The following PAN3 variants were observed in gnomAD, a reference collection of about 807,000 sequenced individuals.
PAN3 encodes PAN2-PAN3 deadenylation complex subunit PAN3.
A neutral mutation model predicts 96.2 loss-of-function variants in PAN3; 19 were observed. The ratio of observed to expected loss-of-function variants is 0.20; its 90% CI spans 0.14 to 0.29. PAN3 has a LOEUF of 0.29. Ranked by LOEUF, PAN3 falls within the 10% of genes least tolerant of loss-of-function variation. The pLI is 1.00. For missense variants in PAN3, 882 were observed against 1,108.1 expected, an observed-to-expected ratio of 0.80 and a Z score of 2.90; for synonymous variants, 433 against 406.6, an observed-to-expected ratio of 1.06 and a Z score of -0.78.
intron 17 of PAN3, among the ~76,000 whole-genome samples, chr13:28,287,741 AAGGAGGT>A (rs1399040472): frequency 6.6e-6 from 1 of 152,256 alleles, no homozygotes; most frequent in Non-Finnish European, 1.5e-5. Context: ...GGGCTGAAAT[AAGGAGGT>A]AATGTAAAAT....
chr13:28,203,300 ATTATTTAT>A (rs1374170485), intron 5 of PAN3, among the ~76,000 whole-genome samples: 1 of 141,738 alleles, frequency 7.1e-6, no homozygotes, highest in East Asian at 2.1e-4. Context: ...ACTTTTCTAT[ATTATTTAT>A]TTATTTACTT....
chr13:28,288,425 G>A (rs1467050527), intron 18 of PAN3, among the ~76,000 whole-genome samples: 3 of 151,682 alleles, frequency 2.0e-5, no homozygotes, highest in South Asian at 2.1e-4. Context: ...TGAGCCTCCC[G>A]AGTAGCTAGG....
intron 6 of PAN3, among the ~76,000 whole-genome samples, chr13:28,255,330 C>T (rs142503056): frequency 9.1e-4 from 138 of 152,214 alleles, no homozygotes; most frequent in African/African-American, 3.1e-3. Context: ...TTAACGCTAC[C>T]TGGTTTTAAT....
intron 5 of PAN3, among the ~76,000 whole-genome samples, chr13:28,203,645 T>G (rs1879004039): frequency 6.6e-6 from 1 of 151,946 alleles, no homozygotes. Context: ...ATCATAGACT[T>G]TTTGGGGCTT....
intron 16 of PAN3, among the ~76,000 whole-genome samples, chr13:28,281,016 C>T (rs1887430404): frequency 6.6e-6 from 1 of 152,092 alleles, no homozygotes; most frequent in Admixed American, 6.5e-5. Context: ...TTCTTATGTC[C>T]TCTGGACAAC....
rs537500272 is a variant in PAN3 at position 28,232,521 on chromosome 13, T to G, written c.1000+12143T>G. The G allele has an allele frequency of 1.6e-4, 25 of 152,102 alleles. No individual in the cohort carries two copies. In the South Asian group the frequency reaches 4.6e-3, roughly 28 times the overall value. 9.4% of individuals were successfully genotyped at this position (152,102 alleles called of 1,614,324 possible). Reference sequence around the variant, plus strand: ...AATGTATGCTCACTTTGGCAGCACATACGCTAAAATTAGAACAGTACAGAG... The same window carrying G: ...AATGTATGCTCACTTTGGCAGCACAGACGCTAAAATTAGAACAGTACAGAG... On this transcript the variant is annotated intron_variant, in intron 6 of 18. Coordinates refer to ENST00000380958, the MANE Select transcript of PAN3 (RefSeq NM_175854.8).
intron 1 of PAN3, among the ~76,000 whole-genome samples, chr13:28,146,761 A>G (rs1051030295): frequency 2.6e-5 from 4 of 152,176 alleles, no homozygotes; most frequent in African/African-American, 9.6e-5. Flanking sequence ...GCGGATCATG[A>G]GGTCAAGAGA....
intron 4 of PAN3, among the ~76,000 whole-genome samples, chr13:28,185,881 G>A (rs1293354472): frequency 1.3e-5 from 2 of 152,136 alleles, no homozygotes; most frequent in East Asian, 1.9e-4. Context: ...TTCTATTTGC[G>A]AAGTGTAGTA....
chr13:28,190,767 T>C (rs1283792681), intron 4 of PAN3, among the ~76,000 whole-genome samples: 1 of 152,142 alleles, frequency 6.6e-6, no homozygotes, highest in Non-Finnish European at 1.5e-5. Context: ...ATCACGAGAA[T>C]AGCACGGGGG....
chr13:28,263,574 A>G (rs557698610), intron 9 of PAN3, among the ~76,000 whole-genome samples: 9 of 152,148 alleles, frequency 5.9e-5, no homozygotes, highest in Admixed American at 4.6e-4. Flanking sequence ...CAAGTGATCC[A>G]CCTGCCTCAG....
chr13:28,261,350 C>A (rs746590890), intron 8 of PAN3, 51 bp from the exon 9 acceptor site: 4 of 1,310,832 alleles, frequency 3.1e-6, no homozygotes, highest in South Asian at 1.4e-5. Flanking sequence ...ATAGGAATTC[C>A]AGGTTTCAGA....
chr13:28,238,625 A>G (rs1275532783), intron 6 of PAN3, among the ~76,000 whole-genome samples: 1 of 152,196 alleles, frequency 6.6e-6, no homozygotes, highest in Non-Finnish European at 1.5e-5. Context: ...AATAGCATTG[A>G]TACTTTTTTT....
intron 1 of PAN3, among the ~76,000 whole-genome samples, chr13:28,149,333 A>G (rs1871078773): frequency 6.6e-6 from 1 of 152,176 alleles, no homozygotes; most frequent in African/African-American, 2.4e-5. Context: ...ACTGCCCTCC[A>G]GCAAGACCCT....
chr13:28,278,604 T>C (rs1887234049), intron 15 of PAN3, among the ~76,000 whole-genome samples: 1 of 152,192 alleles, frequency 6.6e-6, no homozygotes, highest in Admixed American at 6.5e-5. Context: ...AGCCATACTT[T>C]AATAATAAAC....
chr13:28,191,548 A>G (rs1877259206), intron 4 of PAN3, among the ~76,000 whole-genome samples: 1 of 152,140 alleles, frequency 6.6e-6, no homozygotes, highest in African/African-American at 2.4e-5. Context: ...ACAAGAAAGA[A>G]TTATCCAAAG....
intron 4 of PAN3, 148 bp from the exon 5 acceptor site, chr13:28,197,037 G>T: frequency 4.5e-6 from 4 of 895,294 alleles, no homozygotes; most frequent in Non-Finnish European, 6.3e-6. Flanking sequence ...GGGAGGTGGT[G>T]GGTGGTGGTA....
At chr13:28,239,021 A>G (rs939089241) in intron 6 of PAN3, among the ~76,000 whole-genome samples, 3 of 152,108 alleles carry the variant, frequency 2.0e-5, no homozygotes, top group African/African-American at 7.2e-5. Flanking sequence ...TTAACAAGTG[A>G]ATCAGAACCT....
Position 28,215,231 on chromosome 13 carries a change from T to G in PAN3, c.853-5000T>G. The G allele has an allele frequency of 5.6e-6, 4 of 712,364 alleles. No homozygotes were observed. In the South Asian group the frequency reaches 6.0e-5, roughly 11 times the overall value. The allele number at this position is 712,364 out of a possible 1,614,324, so 44.1% of individuals were successfully genotyped here. ...CTCTGGACTGCATCCTCCCACTAGC[T>G]TGTCCAACTGACAAGTCCTTGCACC... On this transcript the variant is annotated intron_variant, in intron 5 of 18. Transcript: ENST00000380958.
chr13:28,284,734 A>T (rs2138738842), intron 17 of PAN3, among the ~76,000 whole-genome samples: 1 of 152,264 alleles, frequency 6.6e-6, no homozygotes, highest in South Asian at 2.1e-4. Context: ...TACTATTTTA[A>T]TTCAATCATG....
Sources: allele counts gnomAD v4.1 joint callset (sites outside exome capture counted in the v4.1 genomes callset), GRCh38; gene constraint gnomAD v4.1.1; transcripts MANE v1.5; gene names NCBI Gene and HGNC (gene_info 2026-07-23, HGNC 2026-07-21).